PARD3: variants seen among roughly 807,000 people sequenced by gnomAD.
PARD3 encodes the protein par-3 family cell polarity regulator, also known as partitioning defective 3 homolog.
In PARD3, 75 loss-of-function variants were observed where a neutral mutation model predicts 155.4. The observed-to-expected ratio is 0.48, with a 90% CI of 0.40 to 0.58. The LOEUF (loss-of-function observed/expected upper bound fraction) is 0.58, where lower values mean the gene tolerates loss of function less well. Ranked by LOEUF, PARD3 falls within the 20% of genes least tolerant of loss-of-function variation. The pLI, the probability that PARD3 is intolerant of heterozygous loss-of-function variation, is 0.00. For synonymous variants in PARD3, 576 were observed against 610.5 expected (o/e 0.94, Z 0.83); for missense variants, 1,642 against 1,721.7 (o/e 0.95, Z 0.82).
intron 12 of PARD3, among the ~76,000 whole-genome samples, chr10:34,369,009 T>C (rs1451561674): frequency 7.5e-5 from 11 of 146,676 alleles, no homozygotes. Context: ...ACTATATATG[T>C]AGCTTAGCTT....
intron 22 of PARD3, among the ~76,000 whole-genome samples, chr10:34,203,925 T>C (rs1269412204): frequency 4.6e-5 from 7 of 152,248 alleles, no homozygotes; most frequent in Non-Finnish European, 4.4e-5. Context: ...ATATCTAATG[T>C]CTTTCAAAGA....
intron 15 of PARD3, chr10:34,345,375 A>G: frequency 1.0e-6 from 1 of 985,294 alleles, no homozygotes; most frequent in Non-Finnish European, 1.2e-6. Flanking sequence ...ATTACTCCAT[A>G]TGAAAATTCA....
chr10:34,128,474 TAATC>T (rs1424693746), intron 23 of PARD3, among the ~76,000 whole-genome samples: 4 of 152,224 alleles, frequency 2.6e-5, no homozygotes, highest in Non-Finnish European at 2.9e-5. Context: ...GAGTGTGTGT[TAATC>T]AACTGTCTAT....
intron 22 of PARD3, among the ~76,000 whole-genome samples, chr10:34,265,426 G>C (rs1955252829): frequency 1.3e-5 from 2 of 152,328 alleles, no homozygotes; most frequent in African/African-American, 4.8e-5. Flanking sequence ...TGATTAAGCA[G>C]TGAAATGTAG....
chr10:34,666,050 C>CA (rs796578184), intron 2 of PARD3, among the ~76,000 whole-genome samples: 285 of 144,208 alleles, frequency 2.0e-3, no homozygotes, highest in African/African-American at 6.6e-3. Flanking sequence ...CTGACTCTAC[C>CA]AAAAAAAAAA....
chr10:34,814,485 G>A (rs1844633718), intron 1 of PARD3, among the ~76,000 whole-genome samples: 1 of 152,130 alleles, frequency 6.6e-6, no homozygotes, highest in African/African-American at 2.4e-5. Context: ...CCTGGGAGCC[G>A]GGAAAGGCCT....
chr10:34,783,089 A>G (rs990470538), intron 1 of PARD3, among the ~76,000 whole-genome samples: 8 of 152,270 alleles, frequency 5.3e-5, no homozygotes, highest in Middle Eastern at 3.4e-3. Context: ...TCAAACCTTA[A>G]GATTTAGTTG....
intron 1 of PARD3, among the ~76,000 whole-genome samples, chr10:34,714,775 A>ATTTTT (rs35679032): frequency 1.4e-5 from 2 of 144,402 alleles, no homozygotes; most frequent in Admixed American, 6.9e-5. Flanking sequence ...ACACATCAAA[A>ATTTTT]TTTTTTTTTT....
chr10:34,740,830 A>G (rs541441484), intron 1 of PARD3, among the ~76,000 whole-genome samples: 5 of 152,320 alleles, frequency 3.3e-5, no homozygotes, highest in Admixed American at 6.5e-5. Flanking sequence ...AATTATACCA[A>G]GTAGGGTAAA....
At chr10:34,188,020 A>G (rs574425498) in intron 22 of PARD3, among the ~76,000 whole-genome samples, 1 of 152,276 alleles carries the variant, frequency 6.6e-6, no homozygotes, top group Admixed American at 6.5e-5. Context: ...TCGCCAATTG[A>G]TTTTCCTCTT....
At chr10:34,721,947 C>G (rs1431541264) in intron 1 of PARD3, among the ~76,000 whole-genome samples, 3 of 152,126 alleles carry the variant, frequency 2.0e-5, no homozygotes, top group Non-Finnish European at 4.4e-5. Flanking sequence ...GGAGGCCAAA[C>G]CAGGCAGATC....
intron 15 of PARD3, chr10:34,343,543 C>T (rs916850873): frequency 2.0e-6 from 2 of 984,972 alleles, no homozygotes; most frequent in African/African-American, 3.5e-5. Context: ...CTAGTATTTC[C>T]ACAAGATTTG....
At chr10:34,758,561 G>A (rs777380010) in intron 1 of PARD3, among the ~76,000 whole-genome samples, 4 of 152,144 alleles carry the variant, frequency 2.6e-5, no homozygotes, top group South Asian at 4.1e-4. Flanking sequence ...CTCTTATCAC[G>A]TCACACTGTC....
intron 23 of PARD3, among the ~76,000 whole-genome samples, chr10:34,128,470 G>A (rs1192031566): frequency 6.6e-6 from 1 of 152,166 alleles, no homozygotes; most frequent in African/African-American, 2.4e-5. Context: ...TACAGAGTGT[G>A]TGTTAATCAA....
intron 22 of PARD3, among the ~76,000 whole-genome samples, chr10:34,268,057 C>T (rs564278977): frequency 2.6e-4 from 40 of 152,220 alleles, no homozygotes; most frequent in South Asian, 2.5e-3. Flanking sequence ...CAATAACATG[C>T]GTATGTCTGA....
intron 5 of PARD3, among the ~76,000 whole-genome samples, chr10:34,422,547 C>A (rs1433675818): frequency 6.6e-6 from 1 of 151,316 alleles, no homozygotes; most frequent in Non-Finnish European, 1.5e-5. Context: ...AGATTAATAT[C>A]CAAAATAAAT....
At chr10:34,667,871 G>C (rs78011988) in intron 2 of PARD3, among the ~76,000 whole-genome samples, 1,793 of 152,214 alleles carry the variant, frequency 0.012, 37 homozygotes, top group African/African-American at 0.041. Context: ...ATTCTCCTCC[G>C]TGCAGCCTGA....
Position 34,374,988 on chromosome 10 carries a change from A to C in PARD3, c.1554T>G (p.Asp518Glu). 6.2e-7 allele frequency: 1 copy of C among 1,613,380 alleles called. No homozygotes were observed. The highest frequency in any genetic ancestry group is 8.5e-7 in the Non-Finnish European group (1 of 1,179,800). Residue 518 changes from aspartate to glutamate, a missense_variant, in exon 11 of 25, where the codon GAT (aspartate) becomes GAG (glutamate). By Grantham distance (45) the Asp-to-Glu change is conservative (BLOSUM62 2). Coordinates refer to ENST00000374788, the MANE Select transcript of PARD3 (RefSeq NM_001184785.2). ...CTTCCTCTTGGGATTTGCCCACTAA[A>C]TCTACTCCATTTACCTAAAACAAAA... ...GDRLIEVNGV[D>E]LVGKSQEEVV... is the part of the protein sequence containing the mutation.
intron 1 of PARD3, among the ~76,000 whole-genome samples, chr10:34,777,023 T>A (rs1229757414): frequency 6.7e-6 from 1 of 149,642 alleles, no homozygotes; most frequent in Non-Finnish European, 1.5e-5. Context: ...TTTTTTTTTT[T>A]TGTATCTTTA....
Sources: allele counts gnomAD v4.1 joint callset (sites outside exome capture counted in the v4.1 genomes callset), GRCh38; gene constraint gnomAD v4.1.1; transcripts MANE v1.5; gene names NCBI Gene and HGNC (gene_info 2026-07-23, HGNC 2026-07-21).